DHRS7: variants seen among roughly 807,000 people sequenced by gnomAD.
DHRS7 encodes the protein dehydrogenase/reductase 7, also known as dehydrogenase/reductase SDR family member 7.
DHRS7 carries 34 observed loss-of-function variants against 38.9 expected under a neutral mutation model. The ratio of observed to expected loss-of-function variants is 0.87; its 90% CI spans 0.66 to 1.16. The LOEUF (loss-of-function observed/expected upper bound fraction) is 1.16, where lower values mean the gene tolerates loss of function less well. Ranked by LOEUF, DHRS7 falls within the 50% of genes most tolerant of loss-of-function variation. DHRS7 has a pLI of 0.00. For missense variants in DHRS7, 421 were observed against 407.0 expected (o/e 1.03, Z -0.30); for synonymous variants, 158 against 153.1 (o/e 1.03, Z -0.24).
In DHRS7 at chr14:60,144,709, A is replaced by AT; in HGVS notation, c.*256dup. ...GACTAAGACAAATCTGTTAACTTAG[A>AT]TTTTAAGCATATGTGCTAAAGTATT... On this transcript the variant is annotated 3_prime_UTR_variant, in exon 7 of 7. Transcript: ENST00000557185. The AT allele has an allele frequency of 2.8e-6, 1 of 355,628 alleles. No homozygotes were observed. Among genetic ancestry groups the AT allele is most frequent in the Non-Finnish European group, 5.0e-6 (1 of 200,342 alleles). 22.0% of individuals were successfully genotyped at this position (355,628 alleles called of 1,614,324 possible). A position where few individuals can be genotyped will look rare whatever the true frequency, so the allele number is the denominator to read the frequency against.
At chr14:60,159,368 CCTTT>C (rs1440041372) in intron 1 of DHRS7, 6 of 333,298 alleles carry the variant, frequency 1.8e-5, no homozygotes, top group Middle Eastern at 6.8e-4. Context: ...TTGCTGCTGA[CCTTT>C]CTTTATATGT....
Position 60,153,243 on chromosome 14 carries a change from C to T in DHRS7, c.394-65G>A. 1 of 1,564,212 alleles carries T rather than the reference C, an allele frequency of 6.4e-7. No homozygotes were observed. Among genetic ancestry groups the T allele is most frequent in the Non-Finnish European group, 8.7e-7 (1 of 1,143,032 alleles). The stretch of plus-strand genomic sequence containing the variant: ...TCTTGTGGATAGATTGATGGAATTC[C>T]TATGGATGGTTGGTTATTTTGTTAA... On this transcript the variant is annotated intron_variant, in intron 3 of 6. Transcript: ENST00000557185. The surrounding 1 kb of genome is among the most constrained non-coding windows in gnomAD (Gnocchi z 4.4).
chr14:60,165,724 CAGAT>C (rs77003080), upstream of DHRS7: 171,539 of 975,308 alleles, frequency 0.18, 19,610 homozygotes, highest in African/African-American at 0.51. This position sits in a 1 kb window ranked among gnomAD's most constrained non-coding sequence, Gnocchi z 4.6. Context: ...GGCCAGGAGA[CAGAT>C]AGAATCATTC....
At chr14:60,160,651 T>A (rs917660028) in intron 1 of DHRS7, among the ~76,000 whole-genome samples, 1 of 152,130 alleles carries the variant, frequency 6.6e-6, no homozygotes, top group Non-Finnish European at 1.5e-5. Flanking sequence ...TGGCATGATC[T>A]TGGCTCCCTG....
rs1226776708 is a variant in DHRS7, at chr14:60,162,845, A to G, written c.133+2332T>C. On this transcript the variant is annotated intron_variant, in intron 1 of 6. Transcript: ENST00000557185. The surrounding 1 kb of genome is among the most constrained non-coding windows in gnomAD (Gnocchi z 4.5). ...TATATCATTTATGTACTGTACATAT[A>G]TCTGTGCTTTATACATAAAAGGAGT... 6.6e-6 allele frequency among the ~76,000 whole-genome samples: 1 copy of G among 152,142 alleles called. No homozygotes were observed. The highest frequency in any genetic ancestry group is 2.4e-5 in the African/African-American group (1 of 41,422).
At chr14:60,166,545 T>A (rs1048007952), upstream of DHRS7, among the ~76,000 whole-genome samples, 2 of 152,250 alleles carry the variant, frequency 1.3e-5, no homozygotes, top group Non-Finnish European at 2.9e-5. Context: ...CTTTTGTTTT[T>A]CTTTAAATGT....
rs1045629398 is a variant in DHRS7, at chr14:60,146,190, G to A, written c.973-1177C>T. 7 of 151,720 alleles carry A rather than the reference G, an allele frequency of 4.6e-5. No homozygotes were observed. The highest frequency in any genetic ancestry group is 8.8e-5 in the Non-Finnish European group (6 of 67,914). 9.4% of individuals were successfully genotyped at this position (151,720 alleles called of 1,614,324 possible). ...TAATAAGCAATATTTCAAAGATGGT[G>A]GTAGGAAGAAAAAGGCTGTCATTTT... On this transcript the variant is annotated intron_variant, in intron 6 of 6. Coordinates refer to ENST00000557185, the MANE Select transcript of DHRS7 (RefSeq NM_016029.4). The surrounding 1 kb of genome is among the most constrained non-coding windows in gnomAD (Gnocchi z 4.9).
rs181794525 is a variant in DHRS7 at position 60,158,167 on chromosome 14, A to T, written c.134-2015T>A. ...AGAATTGCTTGAACCTGGGAGGCAG[A>T]GGTTGCAGTGAGCCAAGATTGCTCC... On this transcript the variant is annotated intron_variant, in intron 1 of 6. Transcript: ENST00000557185. 2.6e-3 allele frequency among the ~76,000 whole-genome samples: 363 copies of T among 140,322 alleles called. 1 individual carries two copies. Among genetic ancestry groups the T allele is most frequent in the African/African-American group, 9.4e-3 (351 of 37,456 alleles). The allele number at this position is 140,322 out of a possible 152,430, so 92.1% of individuals were successfully genotyped here. A position where few individuals can be genotyped will look rare whatever the true frequency, so the allele number is the denominator to read the frequency against.
In DHRS7 at chr14:60,159,074, C is replaced by G. The variant is rs1287102071; in HGVS notation, c.134-2922G>C. On this transcript the variant is annotated intron_variant, in intron 1 of 6. Transcript: ENST00000557185. Reference sequence around the variant, plus strand: ...GTATCCAAGGCCCAAAAGTTTGTTACCCAAGACGACAAATATTGACATGGA... The same window carrying G: ...GTATCCAAGGCCCAAAAGTTTGTTAGCCAAGACGACAAATATTGACATGGA... The G allele has an allele frequency of 1.7e-5, 8 of 457,230 alleles. No individual in the cohort carries two copies. The East Asian group carries it at 5.4e-4, about 31-fold the overall frequency. The allele number at this position is 457,230 out of a possible 1,614,324, so 28.3% of individuals were successfully genotyped here.
chr14:60,150,663 T>C (rs1172221625), intron 4 of DHRS7, among the ~76,000 whole-genome samples: 1 of 152,248 alleles, frequency 6.6e-6, no homozygotes, highest in African/African-American at 2.4e-5. Context: ...TTTTTATGGA[T>C]GCATAGTATT....
At chr14:60,158,573 T>G (rs139337069) in intron 1 of DHRS7, among the ~76,000 whole-genome samples, 1 of 152,362 alleles carries the variant, frequency 6.6e-6, no homozygotes, top group Non-Finnish European at 1.5e-5. Context: ...TGTAAACTTT[T>G]AATACAATCA....
chr14:60,153,230 A>G lies in DHRS7; in HGVS notation c.394-52T>C, dbSNP rs1896587602. 1 of 1,594,802 alleles carries G rather than the reference A, an allele frequency of 6.3e-7. No individual in the cohort carries two copies. The highest frequency in any genetic ancestry group is 8.6e-7 in the Non-Finnish European group (1 of 1,165,624). On this transcript the variant is annotated intron_variant, in intron 3 of 6. Coordinates refer to ENST00000557185, the MANE Select transcript of DHRS7 (RefSeq NM_016029.4). This position sits in a 1 kb window ranked among gnomAD's most constrained non-coding sequence, Gnocchi z 4.4. Reference sequence around the variant, plus strand: ...TGTTTGGGGGATGTCTTGTGGATAGATTGATGGAATTCCTATGGATGGTTG... The same window carrying G: ...TGTTTGGGGGATGTCTTGTGGATAGGTTGATGGAATTCCTATGGATGGTTG...
chr14:60,163,263 GTTAAA>G (rs1030904567), intron 1 of DHRS7, among the ~76,000 whole-genome samples: 8 of 140,780 alleles, frequency 5.7e-5, no homozygotes, highest in Admixed American at 2.2e-4. Context: ...TAAGTTAAAT[GTTAAA>G]TTAAAATTTA....
upstream of DHRS7, chr14:60,168,682 C>T (rs1174565748): frequency 2.6e-6 from 4 of 1,544,704 alleles, no homozygotes; most frequent in Admixed American, 4.0e-5. Context: ...CTTTTTTCTC[C>T]CCTCTCCAGC....
intron 4 of DHRS7, 124 bp downstream of exon 4, chr14:60,152,815 T>G: frequency 1.8e-6 from 2 of 1,088,772 alleles, no homozygotes; most frequent in Non-Finnish European, 2.6e-6. Context: ...CTACCAAAAG[T>G]CTCCTTGGGT....
rs901339565 is a variant in DHRS7 at position 60,162,414 on chromosome 14, T to C, written c.133+2763A>G. Among the ~76,000 whole-genome samples the C allele has an allele frequency of 6.6e-6, 1 of 151,806 alleles. No homozygotes were observed. The highest frequency in any genetic ancestry group is 2.4e-5 in the African/African-American group (1 of 41,278). ...AAAAATCACCATGTGAGATATATGC[T>C]TGGAAATGCACAGAATTTCTCTAGA... On this transcript the variant is annotated intron_variant, in intron 1 of 6. Coordinates refer to ENST00000557185, the MANE Select transcript of DHRS7 (RefSeq NM_016029.4). This position sits in a 1 kb window ranked among gnomAD's most constrained non-coding sequence, Gnocchi z 4.5.
At chr14:60,150,228 A>T in intron 4 of DHRS7, 41 bp from the exon 5 acceptor site, 1 of 1,474,558 alleles carries the variant, frequency 6.8e-7, no homozygotes. Flanking sequence ...AGGCAAATAA[A>T]TACAGACACA....
At chr14:60,151,539 A>G (rs201160428) in intron 4 of DHRS7, among the ~76,000 whole-genome samples, 1 of 151,018 alleles carries the variant, frequency 6.6e-6, no homozygotes, top group African/African-American at 2.4e-5. Context: ...ATGAACCCAA[A>G]AAAAAAAAAA....
chr14:60,154,359 G>C (rs1417362998), intron 2 of DHRS7, among the ~76,000 whole-genome samples: 2 of 152,054 alleles, frequency 1.3e-5, no homozygotes, highest in African/African-American at 4.8e-5. Flanking sequence ...ATATTTTAGA[G>C]CAATTTCTTT....
Sources: allele counts gnomAD v4.1 joint callset (sites outside exome capture counted in the v4.1 genomes callset), GRCh38; gene constraint gnomAD v4.1.1; non-coding constraint Gnocchi (gnomAD v3.1); transcripts MANE v1.5; gene names NCBI Gene and HGNC (gene_info 2026-07-23, HGNC 2026-07-21).